TTPA: variants seen among roughly 807,000 people sequenced by gnomAD.
TTPA encodes alpha tocopherol transfer protein, also known as alpha-tocopherol transfer protein.
TTPA carries 23 observed loss-of-function variants against 25.9 expected under a neutral mutation model. The ratio of observed to expected loss-of-function variants is 0.89; its 90% CI spans 0.64 to 1.26. TTPA has a LOEUF of 1.26. Ranked by LOEUF, TTPA falls within the 50% of genes most tolerant of loss-of-function variation. TTPA has a pLI of 0.00. For missense variants in TTPA, 337 were observed against 353.1 expected (o/e 0.95, Z 0.37); for synonymous variants, 148 against 137.3 (o/e 1.08, Z -0.54).
intron 4 of TTPA, among the ~76,000 whole-genome samples, chr8:63,061,638 G>A (rs185132815): frequency 3.3e-5 from 5 of 152,154 alleles, no homozygotes; most frequent in African/African-American, 1.2e-4. Context: ...TCTTGGATTT[G>A]CATTCTTATA....
At chr8:63,081,600 C>G (rs543174072) in intron 1 of TTPA, among the ~76,000 whole-genome samples, 1 of 152,178 alleles carries the variant, frequency 6.6e-6, no homozygotes, top group Non-Finnish European at 1.5e-5. Flanking sequence ...GATGCCCTCT[C>G]TCACCATTCC....
At chr8:63,078,732 G>A (rs904876242) in intron 1 of TTPA, among the ~76,000 whole-genome samples, 5 of 152,196 alleles carry the variant, frequency 3.3e-5, no homozygotes, top group African/African-American at 4.8e-5. Flanking sequence ...TGAAAGTGAT[G>A]GGGAGAGTGG....
At chr8:63,068,369 C>T (rs779529695) in intron 2 of TTPA, among the ~76,000 whole-genome samples, 2 of 152,194 alleles carry the variant, frequency 1.3e-5, no homozygotes, top group Non-Finnish European at 2.9e-5. Flanking sequence ...ACCAAGAGAA[C>T]ATGGCATCAG....
chr8:63,064,341 T>A, intron 3 of TTPA, 25 bp from the exon 4 acceptor site: 1 of 1,496,760 alleles, frequency 6.7e-7, no homozygotes, highest in Non-Finnish European at 9.2e-7. Context: ...AAAATCTTAA[T>A]AACAAAACAT....
chr8:63,065,986 A>G lies in TTPA; in HGVS notation c.470T>C (p.Ile157Thr). 6.2e-7 allele frequency: 1 copy of G among 1,614,118 alleles called. No individual in the cohort carries two copies. The change falls in exon 3 of 5, where the codon ATC (isoleucine) becomes ACC (threonine). Residue 157 changes from isoleucine to threonine, a missense_variant. Physicochemically the swap from Ile to Thr is moderately conservative, Grantham distance 89 (BLOSUM62 -1). Coordinates refer to ENST00000260116, the MANE Select transcript of TTPA (RefSeq NM_000370.3). The stretch of plus-strand genomic sequence containing the variant: ...AAACTGCCAACCTTCCAGATCAAAG[A>G]TAGCCTTGATTCCATTCCGCTGAGT... ...VETQRNGIKA[I>T]FDLEGWQFSH...
rs536219566 is a variant in TTPA at position 63,061,244 on chromosome 8, A to G, written c.*8T>C. 4.0e-5 allele frequency: 65 copies of G among 1,613,020 alleles called. No homozygotes were observed. The highest frequency in any genetic ancestry group is 5.3e-5 in the Non-Finnish European group (63 of 1,179,772). ...TTAGTTAGGAAGCCATTCACATGACATAACTTCTCATTGAATGCTCTCAGA... is the reference window on the plus strand; with the variant it reads ...TTAGTTAGGAAGCCATTCACATGACGTAACTTCTCATTGAATGCTCTCAGA... On this transcript the variant is annotated 3_prime_UTR_variant, in exon 5 of 5. Transcript: ENST00000260116.
At chr8:63,065,087 A>C (rs1805368393) in intron 3 of TTPA, among the ~76,000 whole-genome samples, 1 of 152,212 alleles carries the variant, frequency 6.6e-6, no homozygotes, top group Non-Finnish European at 1.5e-5. Flanking sequence ...CATCAAATGA[A>C]TGTACATTTT....
Position 63,060,302 on chromosome 8 carries a change from G to A in TTPA, c.*950C>T, listed in dbSNP as rs1805283899. On this transcript the variant is annotated 3_prime_UTR_variant, in exon 5 of 5. Transcript: ENST00000260116. ...AAAAATGCAAAGCAGATATTGAGAAGCCATCAACTGTGCCTGACGTATTTT... is the reference window on the plus strand; with the variant it reads ...AAAAATGCAAAGCAGATATTGAGAAACCATCAACTGTGCCTGACGTATTTT... 6.6e-6 allele frequency: 1 copy of A among 152,124 alleles called. No individual in the cohort carries two copies. Among genetic ancestry groups the A allele is most frequent in the South Asian group, 2.1e-4 (1 of 4,828 alleles). 9.4% of individuals were successfully genotyped at this position (152,124 alleles called of 1,614,324 possible).
chr8:63,067,559 CAA>C (rs1805413573), intron 2 of TTPA, among the ~76,000 whole-genome samples: 1 of 138,514 alleles, frequency 7.2e-6, no homozygotes, highest in Admixed American at 7.1e-5. Context: ...AAAAAAACAA[CAA>C]AAGTTCTGGC....
downstream of TTPA, among the ~76,000 whole-genome samples, chr8:63,059,241 C>A (rs536415036): frequency 1.4e-3 from 217 of 150,966 alleles, 1 homozygote; most frequent in African/African-American, 4.8e-3. Context: ...ACCGTTTTAG[C>A]CGGGATGGTC....
At chr8:63,069,403 A>C (rs1246451902) in intron 2 of TTPA, among the ~76,000 whole-genome samples, 1 of 152,096 alleles carries the variant, frequency 6.6e-6, no homozygotes. Context: ...TATGGTAGCC[A>C]TTAGCCATGT....
chr8:63,067,050 T>C (rs1805402941), intron 2 of TTPA, among the ~76,000 whole-genome samples: 1 of 151,680 alleles, frequency 6.6e-6, no homozygotes. Flanking sequence ...AACCGGTCTG[T>C]AAAAAAATTC....
chr8:63,068,021 G>A (rs937027813), intron 2 of TTPA, among the ~76,000 whole-genome samples: 1 of 152,166 alleles, frequency 6.6e-6, no homozygotes, highest in Non-Finnish European at 1.5e-5. Flanking sequence ...ACCTGTTTGG[G>A]TGGAAAAGAT....
intron 2 of TTPA, among the ~76,000 whole-genome samples, chr8:63,072,576 G>A (rs1805499478): frequency 1.3e-5 from 2 of 152,246 alleles, no homozygotes; most frequent in South Asian, 4.1e-4. Context: ...AAGCATTTTT[G>A]AAACACTTTT....
chr8:63,067,398 G>A lies in TTPA; in HGVS notation c.359-1301C>T, dbSNP rs116820690. On this transcript the variant is annotated intron_variant, in intron 2 of 4. Coordinates refer to ENST00000260116, the MANE Select transcript of TTPA (RefSeq NM_000370.3). The stretch of plus-strand genomic sequence containing the variant: ...ATAAAAGTTCTAGAAGGCAGTAACA[G>A]AAAACAGAGGAGAGAGGAATCATAG... Among the ~76,000 whole-genome samples the A allele has an allele frequency of 9.1e-3, 1,360 of 150,230 alleles. 24 individuals carry two copies. Among genetic ancestry groups the A allele is most frequent in the African/African-American group, 0.031 (1,258 of 40,900 alleles).
downstream of TTPA, among the ~76,000 whole-genome samples, chr8:63,059,018 C>A (rs1672656359): frequency 3.1e-5 from 4 of 127,484 alleles, no homozygotes; most frequent in South Asian, 2.4e-4. Context: ...AGGCAGGGTC[C>A]AGTTTTTTTT....
At chr8:63,069,736 GA>G (rs34342892) in intron 2 of TTPA, among the ~76,000 whole-genome samples, 135 of 131,782 alleles carry the variant, frequency 1.0e-3, no homozygotes, top group Middle Eastern at 4.0e-3. Context: ...CCCTAGCTTA[GA>G]AAAAAAAAAA....
chr8:63,066,742 T>C (rs1444397213), intron 2 of TTPA, among the ~76,000 whole-genome samples: 2 of 152,194 alleles, frequency 1.3e-5, no homozygotes, highest in Non-Finnish European at 2.9e-5. Context: ...GGCCACGCCA[T>C]GCAGAAATGA....
intron 1 of TTPA, 79 bp from the exon 2 acceptor site, chr8:63,073,167 T>A: frequency 8.3e-7 from 1 of 1,206,386 alleles, no homozygotes; most frequent in Non-Finnish European, 1.2e-6. Context: ...AGCTTTGGCA[T>A]TGTGTATAAA....
Sources: allele counts gnomAD v4.1 joint callset (sites outside exome capture counted in the v4.1 genomes callset), GRCh38; gene constraint gnomAD v4.1.1; transcripts MANE v1.5; gene names NCBI Gene and HGNC (gene_info 2026-07-23, HGNC 2026-07-21).